The following DMRT1 variants were observed in gnomAD, a reference collection of about 807,000 sequenced individuals.
The protein encoded by DMRT1 is doublesex and mab-3 related transcription factor 1, also known as doublesex- and mab-3-related transcription factor 1.
In DMRT1, 7 loss-of-function variants were observed where a neutral mutation model predicts 32.3. The observed-to-expected ratio is 0.22, with a 90% CI of 0.12 to 0.41. The LOEUF is 0.41. DMRT1 is among the 10% of genes least tolerant of loss of function. The pLI is 1.00. For missense variants in DMRT1, 625 were observed against 500.5 expected (o/e 1.25, Z -2.37); for synonymous variants, 278 against 206.1 (o/e 1.35, Z -2.99).
chr9:911,387 ATTTTCT>A (rs1352708522), intron 3 of DMRT1, among the ~76,000 whole-genome samples: 2 of 136,280 alleles, frequency 1.5e-5, no homozygotes, highest in African/African-American at 5.4e-5. Context: ...CAGGGTTGTG[ATTTTCT>A]TTTTAAAGTT....
chr9:872,312 T>C (rs983027395), intron 2 of DMRT1, among the ~76,000 whole-genome samples: 17 of 151,674 alleles, frequency 1.1e-4, no homozygotes, highest in Non-Finnish European at 1.6e-4. Flanking sequence ...CCACCCGCCT[T>C]GGCCTCCCAA....
At chr9:886,458 G>T (rs1816933270) in intron 2 of DMRT1, among the ~76,000 whole-genome samples, 1 of 152,124 alleles carries the variant, frequency 6.6e-6, no homozygotes, top group African/African-American at 2.4e-5. Context: ...GTTTTGCCAT[G>T]TTGGCCAGGT....
intron 4 of DMRT1, among the ~76,000 whole-genome samples, chr9:934,135 C>T (rs1208661143): frequency 6.6e-6 from 1 of 152,106 alleles, no homozygotes; most frequent in East Asian, 1.9e-4. Context: ...CTTGGAGCAG[C>T]ATGTGAGCCT....
At chr9:898,501 G>T (rs983106291) in intron 3 of DMRT1, among the ~76,000 whole-genome samples, 2 of 152,246 alleles carry the variant, frequency 1.3e-5, no homozygotes, top group East Asian at 3.9e-4. Flanking sequence ...TTCCTGGAAG[G>T]CTCTCTCACT....
Position 953,501 on chromosome 9 carries a change from C to A in DMRT1, c.968-14484C>A, listed in dbSNP as rs539120925. 1.8e-3 allele frequency among the ~76,000 whole-genome samples: 277 copies of A among 152,230 alleles called. 1 individual carries two copies. The highest frequency in any genetic ancestry group is 5.6e-3 in the African/African-American group (233 of 41,530). On this transcript the variant is annotated intron_variant, in intron 4 of 4. Transcript: ENST00000382276. Reference sequence around the variant, plus strand: ...TCTTGCAGTTGTCAAAGGCCTCTGCCCCCCCGACCTTTGATGACAGGAAAG... The same window carrying A: ...TCTTGCAGTTGTCAAAGGCCTCTGCACCCCCGACCTTTGATGACAGGAAAG...
chr9:954,899 C>G (rs1586661409), intron 4 of DMRT1, among the ~76,000 whole-genome samples: 2 of 152,158 alleles, frequency 1.3e-5, no homozygotes, highest in East Asian at 1.9e-4. Flanking sequence ...CTCGGCCTCC[C>G]AAAGTGCTGG....
rs543304865 is a variant in DMRT1 at position 844,279 on chromosome 9, C to A, written c.354+2087C>A. Among the ~76,000 whole-genome samples, 154 of 152,292 alleles carry A rather than the reference C, an allele frequency of 1.0e-3. 2 individuals carry two copies. The South Asian group carries it at 0.015, about 15-fold the overall frequency. Reference sequence around the variant, plus strand: ...TTAAAAATCCATAAAACAACTACTTCTAGTCATTTTTAAATAGTTTGAAAT... The same window carrying A: ...TTAAAAATCCATAAAACAACTACTTATAGTCATTTTTAAATAGTTTGAAAT... On this transcript the variant is annotated intron_variant, in intron 1 of 4. Transcript: ENST00000382276.
At chr9:844,536 A>G (rs943354251) in intron 1 of DMRT1, among the ~76,000 whole-genome samples, 9 of 148,366 alleles carry the variant, frequency 6.1e-5, no homozygotes, top group African/African-American at 2.1e-4. Context: ...GTAATAGGAA[A>G]TCCAAGATTT....
chr9:865,154 G>C (rs1013647867), intron 2 of DMRT1, among the ~76,000 whole-genome samples: 1 of 152,186 alleles, frequency 6.6e-6, no homozygotes. Flanking sequence ...TTCCCTGAGA[G>C]AATGGTATAT....
At chr9:886,794 A>G (rs568593512) in intron 2 of DMRT1, among the ~76,000 whole-genome samples, 97 of 152,320 alleles carry the variant, frequency 6.4e-4, no homozygotes, top group Non-Finnish European at 1.3e-3. Context: ...CTGGCCTGCC[A>G]TCTTTGCTGA....
At chr9:867,503 G>T (rs1225291833) in intron 2 of DMRT1, among the ~76,000 whole-genome samples, 1 of 152,222 alleles carries the variant, frequency 6.6e-6, no homozygotes, top group South Asian at 2.1e-4. Context: ...CTTGTGGCAG[G>T]TGTTGTCTTA....
At chr9:847,495 C>G (rs1838957821) in intron 2 of DMRT1, among the ~76,000 whole-genome samples, 2 of 152,186 alleles carry the variant, frequency 1.3e-5, no homozygotes, top group African/African-American at 4.8e-5. Flanking sequence ...AACTAGAAGT[C>G]CACTTCTCCA....
chr9:963,831 T>C (rs1268395350), intron 4 of DMRT1, among the ~76,000 whole-genome samples: 1 of 152,240 alleles, frequency 6.6e-6, no homozygotes, highest in Non-Finnish European at 1.5e-5. Flanking sequence ...TATCATGAAG[T>C]GGAAGAATTT....
chr9:964,291 T>C (rs945521611), intron 4 of DMRT1, among the ~76,000 whole-genome samples: 1 of 152,102 alleles, frequency 6.6e-6, no homozygotes, highest in Non-Finnish European at 1.5e-5. Context: ...TCTTGAAGTG[T>C]TTTTTCCCCT....
chr9:917,080 A>G (rs1244211587), intron 4 of DMRT1, among the ~76,000 whole-genome samples, 173 bp downstream of exon 4: 5 of 152,170 alleles, frequency 3.3e-5, no homozygotes, highest in Non-Finnish European at 7.3e-5. Flanking sequence ...TGACTTTGCT[A>G]TGCTTGATTC....
At position 864,366 on chromosome 9, in the gene DMRT1, G is replaced by A. The variant is rs7855254; in HGVS notation, c.538+17223G>A. 7.5e-3 allele frequency among the ~76,000 whole-genome samples: 1,140 copies of A among 151,784 alleles called. 15 individuals are homozygous for A. Among genetic ancestry groups the A allele is most frequent in the African/African-American group, 0.026 (1,085 of 41,364 alleles). ...TTAAAGGTGTCTGCCACCACGTTTGGCTAATTTTCATATTTTTAGTTTCAC... is the reference window on the plus strand; with the variant it reads ...TTAAAGGTGTCTGCCACCACGTTTGACTAATTTTCATATTTTTAGTTTCAC... On this transcript the variant is annotated intron_variant, in intron 2 of 4. Transcript: ENST00000382276.
At chr9:910,165 C>G (rs1356549061) in intron 3 of DMRT1, among the ~76,000 whole-genome samples, 1 of 152,134 alleles carries the variant, frequency 6.6e-6, no homozygotes, top group Non-Finnish European at 1.5e-5. Context: ...GAGATACGAA[C>G]TTAACGCTGA....
At chr9:944,717 T>A (rs1218921823) in intron 4 of DMRT1, among the ~76,000 whole-genome samples, 1 of 152,196 alleles carries the variant, frequency 6.6e-6, no homozygotes, top group Admixed American at 6.5e-5. Context: ...CTTTTTGAAG[T>A]GCTTTAAGTT....
intron 2 of DMRT1, among the ~76,000 whole-genome samples, chr9:859,142 T>C (rs944099183): frequency 9.9e-5 from 15 of 152,276 alleles, no homozygotes; most frequent in Admixed American, 4.6e-4. Context: ...TGAGTTACGA[T>C]GATTCCTTTG....
Sources: gnomAD v4.1 joint callset for allele counts (sites outside exome capture counted in the v4.1 genomes callset) on GRCh38, gnomAD v4.1.1 for gene constraint, MANE v1.5 for transcripts, NCBI Gene and HGNC (gene_info 2026-07-23, HGNC 2026-07-21) for gene names.